The following SENP2 variants were observed in gnomAD, a reference collection of about 807,000 sequenced individuals.
The protein encoded by SENP2 is sentrin-specific protease 2.
SENP2 carries 16 observed loss-of-function variants against 86.3 expected under a neutral mutation model. The ratio of observed to expected loss-of-function variants is 0.19; its 90% CI spans 0.13 to 0.28. The LOEUF is 0.28. Ranked by LOEUF, SENP2 falls within the 10% of genes least tolerant of loss-of-function variation. The pLI, the probability that SENP2 is intolerant of heterozygous loss-of-function variation, is 1.00. For synonymous variants in SENP2, 222 were observed against 238.7 expected, an observed-to-expected ratio of 0.93 and a Z score of 0.64; for missense variants, 552 against 703.0, an observed-to-expected ratio of 0.79 and a Z score of 2.43.
chr3:185,601,609 C>T (rs983016929), intron 5 of SENP2, among the ~76,000 whole-genome samples: 3 of 149,482 alleles, frequency 2.0e-5, no homozygotes, highest in Non-Finnish European at 4.4e-5. Context: ...ATCTAATTTT[C>T]CCATACATTC....
intron 14 of SENP2, 71 bp downstream of exon 14, chr3:185,621,976 G>A (rs1711910846): frequency 1.0e-5 from 10 of 958,176 alleles, no homozygotes; most frequent in Non-Finnish European, 1.6e-5. Context: ...CTAGGAAGCT[G>A]TGTGGATGGT....
intron 4 of SENP2, among the ~76,000 whole-genome samples, 171 bp downstream of exon 4, chr3:185,599,195 T>A (rs1270312372): frequency 6.6e-6 from 1 of 152,216 alleles, no homozygotes; most frequent in Non-Finnish European, 1.5e-5. Context: ...TCTTTGAATT[T>A]ACTGTTGTTT....
In SENP2 at chr3:185,624,012, A is replaced by T. The variant is rs1201817687; in HGVS notation, c.1541A>T (p.Asp514Val). The T allele has an allele frequency of 6.2e-7, 1 of 1,609,708 alleles. No homozygotes were observed. The highest frequency in any genetic ancestry group is 1.3e-5 in the African/African-American group (1 of 74,854). ...ICEILLQYLQ[D>V]ESKTKRNSDL... ...TTGCTTTTTAGTCAGTATTTACAGG[A>T]TGAAAGTAAGACCAAAAGAAATAGT... The change falls in exon 15 of 17, where the codon GAT (aspartate) becomes GTT (valine). Residue 514 changes from aspartate (D) to valine (V), a missense_variant. Asp to Val is a radical substitution (Grantham distance 152). Transcript: ENST00000296257.
At chr3:185,610,632 G>A (rs1276348084) in intron 7 of SENP2, among the ~76,000 whole-genome samples, 1 of 152,152 alleles carries the variant, frequency 6.6e-6, no homozygotes, top group Non-Finnish European at 1.5e-5. Flanking sequence ...TTGTCATGTT[G>A]GCGAAACCCT....
intron 15 of SENP2, 117 bp downstream of exon 15, chr3:185,624,199 CTT>C (rs5855069): frequency 1.7e-6 from 1 of 583,014 alleles, no homozygotes; most frequent in Non-Finnish European, 2.9e-6. Context: ...AAGTACACAT[CTT>C]TTTTTTTCTT....
intron 2 of SENP2, among the ~76,000 whole-genome samples, chr3:185,595,797 A>AAT (rs1553835883): frequency 3.8e-5 from 5 of 130,156 alleles, no homozygotes; most frequent in African/African-American, 1.4e-4. Context: ...TGAGCCTGAG[A>AAT]TTTTTTTTTT....
intron 2 of SENP2, among the ~76,000 whole-genome samples, chr3:185,596,735 G>GT (rs1722186565): frequency 6.6e-6 from 1 of 152,188 alleles, no homozygotes; most frequent in Non-Finnish European, 1.5e-5. Context: ...TGGGAAGTAA[G>GT]GACAAGCTAG....
rs1307532710 is a variant in SENP2 at position 185,612,445 on chromosome 3, T to A, written c.818-162T>A. The A allele has an allele frequency of 7.2e-6, 4 of 551,792 alleles. No individual in the cohort carries two copies. In the African/African-American group the frequency reaches 7.5e-5, roughly 10 times the overall value. The allele number at this position is 551,792 out of a possible 1,614,324, so 34.2% of individuals were successfully genotyped here. ...CAGCAAAGATATGTATGCATTTTTT[T>A]AGGCAACTTAGTATATAGGGAGGCT... is the stretch of plus-strand genomic sequence containing the variant. On this transcript the variant is annotated intron_variant, in intron 8 of 16. Coordinates refer to ENST00000296257, the MANE Select transcript of SENP2 (RefSeq NM_021627.3).
At chr3:185,601,017 G>T (rs1268360966) in intron 5 of SENP2, among the ~76,000 whole-genome samples, 162 bp downstream of exon 5, 1 of 150,568 alleles carries the variant, frequency 6.6e-6, no homozygotes, top group Non-Finnish European at 1.5e-5. Context: ...GAACTTAGGG[G>T]TGTGTTATAT....
At chr3:185,590,925 G>C (rs1236359592) in intron 2 of SENP2, among the ~76,000 whole-genome samples, 1 of 9,612 alleles carries the variant, frequency 1.0e-4, no homozygotes, top group African/African-American at 4.8e-4. Flanking sequence ...TTTTTTTTTT[G>C]AGACAGAGTC....
At position 185,626,400 on chromosome 3, in the gene SENP2, G is replaced by T. The variant is rs933065221; in HGVS notation, c.1707+7G>T. The stretch of plus-strand genomic sequence containing the variant: ...ACCTATCACATTTACTCAGGTGAGT[G>T]AAGACCCTCTTCATCCATTTACTTG... On this transcript the variant is annotated splice_region_variant and intron_variant, in intron 16 of 16. Transcript: ENST00000296257. 1.3e-6 allele frequency: 2 copies of T among 1,567,596 alleles called. No individual in the cohort carries two copies. Among genetic ancestry groups the T allele is most frequent in the African/African-American group, 1.4e-5 (1 of 73,994 alleles).
intron 4 of SENP2, among the ~76,000 whole-genome samples, chr3:185,599,517 A>G (rs551749167): frequency 6.6e-6 from 1 of 152,240 alleles, no homozygotes; most frequent in African/African-American, 2.4e-5. Context: ...ACAAAATGCT[A>G]TGGTGGGGAA....
At chr3:185,606,538 C>A in intron 6 of SENP2, 40 bp downstream of exon 6, 1 of 1,496,372 alleles carries the variant, frequency 6.7e-7, no homozygotes, top group Non-Finnish European at 9.0e-7. Flanking sequence ...AAAAATTTTA[C>A]AGCTCTTCCC....
rs1010409714 is a variant in SENP2 at position 185,621,747 on chromosome 3, A to G, written c.1447-79A>G. On this transcript the variant is annotated intron_variant, in intron 13 of 16. Transcript: ENST00000296257. ...TATTGGTACATGTATTTTTTAAAAG[A>G]TGCTTTTATTTTTGGAAGTAAAATT... 30 of 834,964 alleles carry G rather than the reference A, an allele frequency of 3.6e-5. No individual in the cohort carries two copies. In the African/African-American group the frequency reaches 4.7e-4, roughly 13 times the overall value. The allele number at this position is 834,964 out of a possible 1,614,324, so 51.7% of individuals were successfully genotyped here. A position where few individuals can be genotyped will look rare whatever the true frequency, so the allele number is the denominator to read the frequency against.
chr3:185,628,595 C>A (rs750806400), intron 16 of SENP2, among the ~76,000 whole-genome samples: 2 of 152,210 alleles, frequency 1.3e-5, no homozygotes, highest in Non-Finnish European at 2.9e-5. Context: ...CAACCTCCGC[C>A]TCCCGGGTTC....
In SENP2 at chr3:185,620,930, A is replaced by G. The variant is rs570767602; in HGVS notation, c.1447-896A>G. On this transcript the variant is annotated intron_variant, in intron 13 of 16. Coordinates refer to ENST00000296257, the MANE Select transcript of SENP2 (RefSeq NM_021627.3). ...AGGCAGGAGGGGTTGCTTGAGCCCAAGAGTTTGAGACCAGCCTGGGCAACA... is the reference window on the plus strand; with the variant it reads ...AGGCAGGAGGGGTTGCTTGAGCCCAGGAGTTTGAGACCAGCCTGGGCAACA... 7.3e-5 allele frequency among the ~76,000 whole-genome samples: 11 copies of G among 151,724 alleles called. No homozygotes were observed. In the East Asian group the frequency reaches 1.6e-3, roughly 22 times the overall value.
chr3:185,614,637 A>G lies in SENP2; in HGVS notation c.1007A>G (p.Asn336Ser), dbSNP rs2148991035. 6.2e-7 allele frequency: 1 copy of G among 1,614,246 alleles called. No homozygotes were observed. The highest frequency in any genetic ancestry group is 2.2e-5 in the East Asian group (1 of 44,890). ...SARLRLGSGS[N>S]GLLRRKVSII... ...CGACTCCGCCTGGGCAGTGGAAGCAATGGCTTACTCAGGAGGAAAGTGTCA... is the reference window on the plus strand; with the variant it reads ...CGACTCCGCCTGGGCAGTGGAAGCAGTGGCTTACTCAGGAGGAAAGTGTCA... The change falls in exon 11 of 17, where the codon AAT (asparagine) becomes AGT (serine). Residue 336 changes from asparagine (N) to serine (S), a missense_variant. Coordinates refer to ENST00000296257, the MANE Select transcript of SENP2 (RefSeq NM_021627.3).
chr3:185,618,785 A>C (rs1461062815), intron 12 of SENP2, among the ~76,000 whole-genome samples: 1 of 152,260 alleles, frequency 6.6e-6, no homozygotes, highest in Admixed American at 6.5e-5. Flanking sequence ...AGGCTGAGGC[A>C]GGAGAATGGT....
chr3:185,613,067 A>G (rs1722746747), intron 9 of SENP2, among the ~76,000 whole-genome samples: 1 of 152,152 alleles, frequency 6.6e-6, no homozygotes, highest in Non-Finnish European at 1.5e-5. Flanking sequence ...TTGTATAGTA[A>G]ATTTCTATTG....
Sources: allele counts gnomAD v4.1 joint callset (sites outside exome capture counted in the v4.1 genomes callset), GRCh38; gene constraint gnomAD v4.1.1; transcripts MANE v1.5; gene names NCBI Gene and HGNC (gene_info 2026-07-23, HGNC 2026-07-21).